Variants in SPRED1 observed in about 807,000 individuals in gnomAD.
SPRED1 encodes sprouty related EVH1 domain containing 1.
In SPRED1, 18 loss-of-function variants were observed where a neutral mutation model predicts 52.3. The ratio of observed to expected loss-of-function variants is 0.34; its 90% CI spans 0.24 to 0.51. The LOEUF (loss-of-function observed/expected upper bound fraction) is 0.51. SPRED1 is among the 20% of genes least tolerant of loss of function. SPRED1 has a pLI of 0.97. For synonymous variants in SPRED1, 155 were observed against 179.7 expected (o/e 0.86, Z 1.10); for missense variants, 485 against 551.0 (o/e 0.88, Z 1.20).
chr15:38,283,726 A>G lies in SPRED1; in HGVS notation c.33-15647A>G, dbSNP rs78744965. Among the ~76,000 whole-genome samples the G allele has an allele frequency of 4.6e-5, 7 of 152,272 alleles. No individual in the cohort carries two copies. The East Asian group carries it at 1.4e-3, about 29-fold the overall frequency. Reference sequence around the variant, plus strand: ...GTTTAAATCCTTACTCAGTGATGTGATCTTGTGCGAATCACTTACCCTCTT... The same window carrying G: ...GTTTAAATCCTTACTCAGTGATGTGGTCTTGTGCGAATCACTTACCCTCTT... On this transcript the variant is annotated intron_variant, in intron 1 of 6. Transcript: ENST00000299084.
chr15:38,274,521 T>A (rs1032359761), intron 1 of SPRED1, among the ~76,000 whole-genome samples: 1 of 152,128 alleles, frequency 6.6e-6, no homozygotes, highest in Non-Finnish European at 1.5e-5. Context: ...TAAGAAAAAA[T>A]ATACAAAGAA....
At chr15:38,264,094 G>A (rs1339843398) in intron 1 of SPRED1, among the ~76,000 whole-genome samples, 2 of 152,228 alleles carry the variant, frequency 1.3e-5, no homozygotes, top group African/African-American at 4.8e-5. Context: ...AATGGATGGA[G>A]CAAGGCCTAG....
intron 2 of SPRED1, among the ~76,000 whole-genome samples, chr15:38,320,042 C>T (rs963271598): frequency 1.3e-5 from 2 of 152,008 alleles, no homozygotes; most frequent in East Asian, 1.9e-4. Context: ...ACCTCAAGAA[C>T]CTAGGTAATT....
chr15:38,346,032 T>C (rs1896128674), intron 5 of SPRED1, among the ~76,000 whole-genome samples: 1 of 152,160 alleles, frequency 6.6e-6, no homozygotes, highest in Non-Finnish European at 1.5e-5. Context: ...TTTTAATGCT[T>C]TGAAGAGCTA....
At chr15:38,317,800 T>G (rs1258162338) in intron 2 of SPRED1, among the ~76,000 whole-genome samples, 1 of 66,310 alleles carries the variant, frequency 1.5e-5, no homozygotes, top group Non-Finnish European at 3.8e-5. Context: ...TTTTCTGCTT[T>G]CTTTTTTTTT....
chr15:38,328,860 C>T (rs919795629), intron 4 of SPRED1, among the ~76,000 whole-genome samples: 6 of 152,046 alleles, frequency 3.9e-5, no homozygotes, highest in Middle Eastern at 3.4e-3. Flanking sequence ...GCCATAGGCA[C>T]GTACCACCAC....
chr15:38,349,359 C>A, intron 5 of SPRED1, 63 bp from the exon 6 acceptor site: 1 of 1,244,792 alleles, frequency 8.0e-7, no homozygotes, highest in Non-Finnish European at 1.2e-6. Context: ...GGAACATACA[C>A]TGTACAGTTT....
chr15:38,302,928 C>A (rs1888596436), intron 2 of SPRED1, among the ~76,000 whole-genome samples: 1 of 152,100 alleles, frequency 6.6e-6, no homozygotes. Flanking sequence ...CTTTGGAAGG[C>A]CGAGGCAGGC....
rs1203056653 is a variant in SPRED1, at chr15:38,352,780, C to T, written c.*1116C>T. 6.6e-6 allele frequency: 1 copy of T among 152,068 alleles called. No homozygotes were observed. The highest frequency in any genetic ancestry group is 2.4e-5 in the African/African-American group (1 of 41,438). 9.4% of individuals were successfully genotyped at this position (152,068 alleles called of 1,614,324 possible). On this transcript the variant is annotated 3_prime_UTR_variant, in exon 7 of 7. Coordinates refer to ENST00000299084, the MANE Select transcript of SPRED1 (RefSeq NM_152594.3). ...CTTAATCCTCAGTGCTTATTATTTA[C>T]ATAACAATAACTTTTTATCAGTTAC...
rs368405955 is a variant in SPRED1, at chr15:38,286,226, CAAAAAAAAA to C, written c.33-13133_33-13125del. Among the ~76,000 whole-genome samples, 4 of 89,592 alleles carry C rather than the reference CAAAAAAAAA, an allele frequency of 4.5e-5. No homozygotes were observed. The East Asian group carries it at 1.3e-3, about 30-fold the overall frequency. The allele number at this position is 89,592 out of a possible 152,430, so 58.8% of individuals were successfully genotyped here. Reference sequence around the variant, plus strand: ...GATCATGCCAACCGCACTCCAGCCTCAAAAAAAAAAAAAAAAAAAAAAGTTTTGCAGATT... The same window carrying C: ...GATCATGCCAACCGCACTCCAGCCTCAAAAAAAAAAAAAGTTTTGCAGATT... On this transcript the variant is annotated intron_variant, in intron 1 of 6. Coordinates refer to ENST00000299084, the MANE Select transcript of SPRED1 (RefSeq NM_152594.3).
Position 38,352,987 on chromosome 15 carries a change from T to C in SPRED1, c.*1323T>C, listed in dbSNP as rs1369453501. 1 of 152,294 alleles carries C rather than the reference T, an allele frequency of 6.6e-6. No individual in the cohort carries two copies. The allele number at this position is 152,294 out of a possible 1,614,324, so 9.4% of individuals were successfully genotyped here. A position where few individuals can be genotyped will look rare whatever the true frequency, so the allele number is the denominator to read the frequency against. On this transcript the variant is annotated 3_prime_UTR_variant, in exon 7 of 7. Transcript: ENST00000299084. Reference sequence around the variant, plus strand: ...AATTTACAAAATAGTTGGGTAAATGTTCCAACAAACTTTAAAGTACCTTGA... The same window carrying C: ...AATTTACAAAATAGTTGGGTAAATGCTCCAACAAACTTTAAAGTACCTTGA...
chr15:38,301,187 C>G (rs925726417), intron 2 of SPRED1, among the ~76,000 whole-genome samples: 1 of 152,092 alleles, frequency 6.6e-6, no homozygotes, highest in African/African-American at 2.4e-5. Flanking sequence ...AATTATGAGT[C>G]TGCACAGATT....
chr15:38,298,116 A>G (rs960709290), intron 1 of SPRED1, among the ~76,000 whole-genome samples: 9 of 152,208 alleles, frequency 5.9e-5, no homozygotes, highest in African/African-American at 2.2e-4. Flanking sequence ...AAGATGCTCA[A>G]CATCATGAGT....
At chr15:38,349,632 T>C (rs1193237822) in intron 6 of SPRED1, 109 bp downstream of exon 6, 2 of 831,258 alleles carry the variant, frequency 2.4e-6, no homozygotes, top group African/African-American at 1.7e-5. Flanking sequence ...CTAGAAAATT[T>C]TTCATTGTAT....
intron 1 of SPRED1, among the ~76,000 whole-genome samples, chr15:38,262,936 G>A (rs1049218842): frequency 2.6e-5 from 4 of 152,150 alleles, no homozygotes; most frequent in Admixed American, 6.5e-5. Flanking sequence ...AGACAGTGGC[G>A]ACTCAGTATT....
At chr15:38,282,574 T>C (rs1167132707) in intron 1 of SPRED1, among the ~76,000 whole-genome samples, 1 of 152,148 alleles carries the variant, frequency 6.6e-6, no homozygotes, top group Non-Finnish European at 1.5e-5. Context: ...TATGTTTGAT[T>C]TACTCCACCT....
chr15:38,280,397 A>G (rs993840710), intron 1 of SPRED1, among the ~76,000 whole-genome samples: 14 of 152,190 alleles, frequency 9.2e-5, no homozygotes, highest in African/African-American at 3.1e-4. Context: ...TATTTAGCTT[A>G]TAGATGAGTT....
intron 2 of SPRED1, among the ~76,000 whole-genome samples, chr15:38,312,420 G>C (rs912894681): frequency 6.6e-6 from 1 of 152,036 alleles, no homozygotes. Context: ...ATTGTTTTTT[G>C]TTATTTTTTA....
intron 1 of SPRED1, among the ~76,000 whole-genome samples, chr15:38,260,149 A>C (rs1177704419): frequency 3.3e-5 from 5 of 152,240 alleles, no homozygotes; most frequent in Non-Finnish European, 7.3e-5. Flanking sequence ...TTAAAAAGCA[A>C]CAACAAGTTT....
Sources: allele counts gnomAD v4.1 joint callset (sites outside exome capture counted in the v4.1 genomes callset), GRCh38; gene constraint gnomAD v4.1.1; transcripts MANE v1.5; gene names NCBI Gene and HGNC (gene_info 2026-07-23, HGNC 2026-07-21).